CPQ: variants seen among roughly 807,000 people sequenced by gnomAD.
CPQ encodes carboxypeptidase Q.
In CPQ, 37 loss-of-function variants were observed where a neutral mutation model predicts 45.7. The observed-to-expected ratio is 0.81, with a 90% confidence interval of 0.62 to 1.07. The LOEUF is 1.07. Ranked by LOEUF, CPQ falls within the 50% of genes least tolerant of loss-of-function variation. The pLI is 0.00. For synonymous variants in CPQ, 186 were observed against 205.8 expected (o/e 0.90, Z 0.82); for missense variants, 537 against 572.9 (o/e 0.94, Z 0.64).
chr8:97,062,135 C>A lies in CPQ; in HGVS notation c.1054-3874C>A, dbSNP rs181863725. Among the ~76,000 whole-genome samples the A allele has an allele frequency of 4.8e-3, 725 of 150,432 alleles. 3 individuals are homozygous for A. Among genetic ancestry groups the A allele is most frequent in the Middle Eastern group, 0.017 (5 of 290 alleles). ...TCTGTTCATTTGTAGTTAAAGAGGA[C>A]CAGGAAACACTTAATGAACACATTA... On this transcript the variant is annotated intron_variant, in intron 6 of 7. Transcript: ENST00000220763.
intron 7 of CPQ, among the ~76,000 whole-genome samples, chr8:97,111,763 A>C (rs1796306721): frequency 6.6e-6 from 1 of 152,234 alleles, no homozygotes; most frequent in Non-Finnish European, 1.5e-5. Context: ...CAAGGGGGAC[A>C]AGAAACATTC....
intron 2 of CPQ, among the ~76,000 whole-genome samples, chr8:96,787,829 A>G: frequency 1.8e-5 from 1 of 55,008 alleles, no homozygotes; most frequent in South Asian, 8.3e-4. Flanking sequence ...TAAGTCATGT[A>G]ATTTGTTGGT....
At chr8:96,814,439 A>G (rs1394279762) in intron 2 of CPQ, among the ~76,000 whole-genome samples, 1 of 152,228 alleles carries the variant, frequency 6.6e-6, no homozygotes, top group Non-Finnish European at 1.5e-5. Context: ...GAGGCTCCAC[A>G]AGAGCTTCAT....
intron 2 of CPQ, among the ~76,000 whole-genome samples, chr8:96,810,303 T>C (rs1247386728): frequency 1.3e-5 from 2 of 152,200 alleles, no homozygotes; most frequent in African/African-American, 2.4e-5. Context: ...TATACCCTGG[T>C]GCCCAGCATG....
intron 4 of CPQ, among the ~76,000 whole-genome samples, chr8:96,888,243 C>G (rs1426151589): frequency 1.5e-4 from 23 of 152,094 alleles, no homozygotes; most frequent in Admixed American, 1.5e-3. Context: ...AGTTGAGAGT[C>G]ACTGATGTGG....
intron 3 of CPQ, among the ~76,000 whole-genome samples, chr8:96,839,150 C>G (rs1017459209): frequency 1.3e-5 from 2 of 150,902 alleles, no homozygotes; most frequent in Non-Finnish European, 2.9e-5. Context: ...TTTGAGAATC[C>G]CCTGGAGGGT....
At chr8:97,037,446 G>A (rs145393736) in intron 6 of CPQ, among the ~76,000 whole-genome samples, 29 of 152,256 alleles carry the variant, frequency 1.9e-4, no homozygotes, top group African/African-American at 6.5e-4. Context: ...TATCTTTAAT[G>A]TTCTGTGCAG....
intron 2 of CPQ, among the ~76,000 whole-genome samples, chr8:96,822,351 T>A (rs1811319426): frequency 6.6e-6 from 1 of 152,044 alleles, no homozygotes; most frequent in East Asian, 1.9e-4. Context: ...GTCAATAATG[T>A]TGTAATGAAC....
intron 3 of CPQ, among the ~76,000 whole-genome samples, chr8:96,861,022 G>A (rs1345153657): frequency 6.6e-6 from 1 of 152,080 alleles, no homozygotes; most frequent in Admixed American, 6.6e-5. Flanking sequence ...CAGAAATAAA[G>A]CAATCTTTCT....
intron 2 of CPQ, among the ~76,000 whole-genome samples, chr8:96,816,076 G>C (rs959660484): frequency 3.3e-5 from 5 of 152,052 alleles, no homozygotes; most frequent in African/African-American, 1.2e-4. Flanking sequence ...TGCAATGAAT[G>C]ATATTTCTTT....
intron 4 of CPQ, among the ~76,000 whole-genome samples, chr8:96,907,800 G>A (rs1372184114): frequency 2.6e-5 from 4 of 152,178 alleles, no homozygotes; most frequent in Non-Finnish European, 5.9e-5. Context: ...TACAGGTCAT[G>A]AGAAAAGACT....
In CPQ at chr8:96,663,449, T is replaced by G. The variant is rs922108000; in HGVS notation, c.-35+18047T>G. 1.1e-4 allele frequency among the ~76,000 whole-genome samples: 17 copies of G among 152,242 alleles called. 1 individual carries two copies. The highest frequency in any genetic ancestry group is 4.4e-5 in the Non-Finnish European group (3 of 68,022). ...AGCAGTTTCAGCTGATACTGTTGTA[T>G]GCTCTTCCTTTCTGGGCCTGATCTT... On this transcript the variant is annotated intron_variant, in intron 1 of 7. Coordinates refer to ENST00000220763, the MANE Select transcript of CPQ (RefSeq NM_016134.4).
intron 3 of CPQ, among the ~76,000 whole-genome samples, chr8:96,862,271 T>C (rs1199615812): frequency 6.7e-6 from 1 of 150,074 alleles, no homozygotes; most frequent in Non-Finnish European, 1.5e-5. Flanking sequence ...GACAATAATA[T>C]TGATTTTTGC....
chr8:96,676,586 T>C (rs1014971902), intron 1 of CPQ, among the ~76,000 whole-genome samples: 2 of 152,138 alleles, frequency 1.3e-5, no homozygotes, highest in African/African-American at 4.8e-5. Flanking sequence ...ATTGCATATC[T>C]TGGTTATTGT....
At chr8:96,778,151 A>G (rs187401862) in intron 1 of CPQ, among the ~76,000 whole-genome samples, 7 of 152,178 alleles carry the variant, frequency 4.6e-5, no homozygotes, top group Admixed American at 1.3e-4. Flanking sequence ...TATAAATTAT[A>G]TATCAGATTA....
Position 97,141,697 on chromosome 8 carries a change from C to T in CPQ, c.1256-1323C>T, listed in dbSNP as rs112648339. ...AGCCTTGATAGTGTTGGTAGCAGCA[C>T]GTAATAGAAAACTGGAAACCACCTA... On this transcript the variant is annotated intron_variant, in intron 7 of 7. Transcript: ENST00000220763. Among the ~76,000 whole-genome samples, 62 of 151,998 alleles carry T rather than the reference C, an allele frequency of 4.1e-4. 1 individual carries two copies. In the East Asian group the frequency reaches 8.9e-3, roughly 22 times the overall value.
chr8:96,864,339 A>C (rs888326072), intron 3 of CPQ, among the ~76,000 whole-genome samples: 11 of 151,950 alleles, frequency 7.2e-5, no homozygotes, highest in African/African-American at 2.7e-4. Context: ...GAGTTCTCTG[A>C]TTTCCTGTAA....
rs749278181 is a variant in CPQ, at chr8:97,078,763, TTCTCTCTCTCTCTCTCTCTC to T, written c.1255+12578_1255+12597del. Among the ~76,000 whole-genome samples the T allele has an allele frequency of 1.3e-3, 126 of 100,368 alleles. 1 individual carries two copies. Among genetic ancestry groups the T allele is most frequent in the Non-Finnish European group, 8.0e-4 (40 of 49,776 alleles). 65.8% of individuals were successfully genotyped at this position (100,368 alleles called of 152,430 possible). ...ACTCTAAATATGATATCATTTCCAT[TTCTCTCTCTCTCTCTCTCTC>T]TCTCTCTCTCTCTCTCTCTCTCTCC... On this transcript the variant is annotated intron_variant, in intron 7 of 7. Transcript: ENST00000220763.
intron 1 of CPQ, among the ~76,000 whole-genome samples, chr8:96,660,663 G>GTGTT (rs1815690205): frequency 6.6e-6 from 1 of 150,932 alleles, no homozygotes; most frequent in Non-Finnish European, 1.5e-5. Context: ...GTGTGTGTGT[G>GTGTT]TTTATACTTC....
Sources: gnomAD v4.1 joint callset for allele counts (sites outside exome capture counted in the v4.1 genomes callset) on GRCh38, gnomAD v4.1.1 for gene constraint, MANE v1.5 for transcripts, NCBI Gene and HGNC (gene_info 2026-07-23, HGNC 2026-07-21) for gene names.